VPS13B: variants seen among roughly 807,000 people sequenced by gnomAD.
VPS13B encodes the protein vacuolar protein sorting 13 homolog B, also known as intermembrane lipid transfer protein VPS13B.
A neutral mutation model predicts 426.4 loss-of-function variants in VPS13B; 285 were observed. The ratio of observed to expected loss-of-function variants is 0.67; its 90% CI spans 0.61 to 0.74. The LOEUF (loss-of-function observed/expected upper bound fraction) is 0.74, where lower values mean the gene tolerates loss of function less well. VPS13B is among the 30% of genes least tolerant of loss of function. The pLI is 0.00. For missense variants in VPS13B, 4,537 were observed against 4,782.6 expected, an observed-to-expected ratio of 0.95 and a Z score of 1.51; for synonymous variants, 1,676 against 1,676.4, an observed-to-expected ratio of 1.00 and a Z score of 0.01.
rs759606763 is a variant in VPS13B at position 99,384,259 on chromosome 8, T to C, written c.2876T>C (p.Ile959Thr). The part of the protein sequence containing the change: ...IQGLAVNIDP[I>T]LYTWLIYQPQ... ...GGACTAGCAGTTAATATTGACCCAA[T>C]CTTATATACGTGGCTCATCTATCAG... The change falls in exon 20 of 62, where the codon ATC becomes ACC. Residue 959 changes from isoleucine to threonine, a missense_variant. Ile to Thr is a moderately conservative substitution (Grantham distance 89). This residue lies in a region of VPS13B where 4,311 missense variants were observed against 4,474.3 expected (regional missense o/e 0.96). Coordinates refer to ENST00000357162, the MANE Select transcript of VPS13B (RefSeq NM_152564.5). The C allele has an allele frequency of 2.5e-6, 4 of 1,613,920 alleles. No individual in the cohort carries two copies. The highest frequency in any genetic ancestry group is 2.5e-6 in the Non-Finnish European group (3 of 1,179,966).
chr8:99,780,775 A>T (rs866652986), intron 42 of VPS13B, among the ~76,000 whole-genome samples: 4 of 152,156 alleles, frequency 2.6e-5, no homozygotes, highest in Middle Eastern at 3.2e-3. Context: ...TAGGCACCTA[A>T]CCCTGTGTAT....
At chr8:99,429,434 TTCTTA>T (rs1418693053) in intron 21 of VPS13B, 6 of 152,174 alleles carry the variant, frequency 3.9e-5, no homozygotes, top group East Asian at 1.9e-4. Flanking sequence ...AAATAATCTA[TTCTTA>T]TCTTGTCTAT....
Position 99,384,316 on chromosome 8 carries a change from A to G in VPS13B, c.2933A>G (p.Gln978Arg), listed in dbSNP as rs1366013187. 1 of 1,610,112 alleles carries G rather than the reference A, an allele frequency of 6.2e-7. No individual in the cohort carries two copies. The highest frequency in any genetic ancestry group is 1.1e-5 in the South Asian group (1 of 90,770). The change falls in exon 20 of 62, where the codon CAG (glutamine) becomes CGG (arginine). Residue 978 changes from glutamine (Q) to arginine (R), a missense_variant and splice_region_variant. Around this residue, in one of 2 missense-constraint regions of VPS13B, gnomAD observed 4,311 missense variants for 4,474.3 expected, o/e 0.96. Coordinates refer to ENST00000357162, the MANE Select transcript of VPS13B (RefSeq NM_152564.5). ...PQKRTSRHMQQQPVVAVPLVM... is the reference protein window; with the variant it reads ...PQKRTSRHMQRQPVVAVPLVM... The stretch of plus-strand genomic sequence containing the variant: ...AAACGAACAAGTAGACATATGCAAC[A>G]GGTAAGAGATTTTTAAATAATTTTT...
At chr8:99,476,161 C>G (rs1393720548) in intron 24 of VPS13B, among the ~76,000 whole-genome samples, 1 of 152,122 alleles carries the variant, frequency 6.6e-6, no homozygotes, top group African/African-American at 2.4e-5. Context: ...TATGAACATC[C>G]CTGGTGAAAT....
At chr8:99,600,734 C>A (rs949500180) in intron 33 of VPS13B, among the ~76,000 whole-genome samples, 5 of 152,112 alleles carry the variant, frequency 3.3e-5, no homozygotes, top group Non-Finnish European at 5.9e-5. Flanking sequence ...TGAAGCAGAG[C>A]GAGTGCTGGA....
intron 3 of VPS13B, among the ~76,000 whole-genome samples, chr8:99,049,243 G>A (rs1398616250): frequency 6.8e-6 from 1 of 146,962 alleles, no homozygotes; most frequent in Non-Finnish European, 1.5e-5. Context: ...TTGTATTTTT[G>A]TTTTATAGGT....
chr8:99,606,883 A>G (rs1004902020), intron 33 of VPS13B, among the ~76,000 whole-genome samples: 5 of 152,128 alleles, frequency 3.3e-5, no homozygotes, highest in Admixed American at 6.5e-5. Flanking sequence ...TCAGGTTCCT[A>G]TATTGTATTA....
At chr8:99,551,486 T>A (rs1386913021) in intron 30 of VPS13B, among the ~76,000 whole-genome samples, 1 of 152,026 alleles carries the variant, frequency 6.6e-6, no homozygotes, top group Non-Finnish European at 1.5e-5. Flanking sequence ...TTTATGCTGC[T>A]TATTATGTTT....
At chr8:99,548,667 T>C (rs2133747684) in intron 30 of VPS13B, among the ~76,000 whole-genome samples, 1 of 152,058 alleles carries the variant, frequency 6.6e-6, no homozygotes, top group African/African-American at 2.4e-5. Context: ...TAAGTATGTA[T>C]AGGACAAAAC....
chr8:99,215,463 A>G (rs980648155), intron 17 of VPS13B, among the ~76,000 whole-genome samples: 4 of 152,212 alleles, frequency 2.6e-5, no homozygotes, highest in Non-Finnish European at 4.4e-5. Context: ...AGAAGGACTT[A>G]CAGGACTCAA....
chr8:99,471,598 A>G (rs1211802644), intron 24 of VPS13B, among the ~76,000 whole-genome samples: 1 of 152,188 alleles, frequency 6.6e-6, no homozygotes, highest in Non-Finnish European at 1.5e-5. Context: ...AGATGGGAAA[A>G]AGTAACAAAG....
At chr8:99,299,966 C>T (rs532385477) in intron 19 of VPS13B, among the ~76,000 whole-genome samples, 4 of 152,220 alleles carry the variant, frequency 2.6e-5, no homozygotes, top group South Asian at 2.1e-4. Flanking sequence ...AGTAGCTTGC[C>T]TTGTTGTGTT....
At chr8:99,529,128 G>A (rs1563778178) in intron 30 of VPS13B, among the ~76,000 whole-genome samples, 1 of 151,238 alleles carries the variant, frequency 6.6e-6, no homozygotes, top group East Asian at 1.9e-4. Flanking sequence ...AAAGATAATC[G>A]TGTTTATTTT....
chr8:99,188,665 A>G (rs955199462), intron 16 of VPS13B, among the ~76,000 whole-genome samples: 16 of 152,166 alleles, frequency 1.1e-4, no homozygotes, highest in Non-Finnish European at 2.1e-4. Flanking sequence ...TGTGTTTTAC[A>G]TAGTAACTAT....
chr8:99,242,732 C>T (rs1405799778), intron 17 of VPS13B, among the ~76,000 whole-genome samples: 5 of 152,144 alleles, frequency 3.3e-5, no homozygotes, highest in Non-Finnish European at 7.4e-5. Flanking sequence ...ATTGCCTTAT[C>T]ATAGTTCCTT....
chr8:99,462,160 C>G (rs1818872778), intron 23 of VPS13B, among the ~76,000 whole-genome samples: 2 of 150,194 alleles, frequency 1.3e-5, no homozygotes, highest in Admixed American at 1.3e-4. Flanking sequence ...CTTCCTCCCT[C>G]CCTTTCTCCC....
At chr8:99,555,884 A>G (rs1824535836) in intron 30 of VPS13B, among the ~76,000 whole-genome samples, 1 of 152,204 alleles carries the variant, frequency 6.6e-6, no homozygotes. Flanking sequence ...CATTTGGGTT[A>G]TATAAAGAAT....
chr8:99,117,446 A>G (rs533164599), intron 7 of VPS13B, among the ~76,000 whole-genome samples: 1 of 152,308 alleles, frequency 6.6e-6, no homozygotes, highest in South Asian at 2.1e-4. Context: ...TCCTACGTGT[A>G]TATCAAGAGA....
chr8:99,854,166 G>A lies in VPS13B; in HGVS notation c.10777G>A (p.Val3593Met), dbSNP rs768381365. ...AGACCACACTCCTCTCTCCTTCTCG[G>A]TGTTTGAAAGAGGACCCATCTTCAC... ...ASDHTPLSFS[V>M]FERGPIFTTA... Residue 3593 changes from valine (V) to methionine (M), a missense_variant, in exon 56 of 62, where the codon GTG (valine) becomes ATG (methionine). Physicochemically the swap from Val to Met is conservative, Grantham distance 21. Transcript: ENST00000357162. 3.7e-6 allele frequency: 6 copies of A among 1,613,694 alleles called. No homozygotes were observed. The highest frequency in any genetic ancestry group is 5.1e-6 in the Non-Finnish European group (6 of 1,180,028).
Sources: allele counts gnomAD v4.1 joint callset (sites outside exome capture counted in the v4.1 genomes callset), GRCh38; gene constraint gnomAD v4.1.1; regional missense constraint gnomAD v4.1.1; transcripts MANE v1.5; gene names NCBI Gene and HGNC (gene_info 2026-07-23, HGNC 2026-07-21).